The following ADAMTSL1 variants were observed in gnomAD, a reference collection of about 807,000 sequenced individuals.
The protein encoded by ADAMTSL1 is ADAMTS-like protein 1.
ADAMTSL1 carries 126 observed loss-of-function variants against 201.8 expected under a neutral mutation model. The ratio of observed to expected loss-of-function variants is 0.62; its 90% CI spans 0.54 to 0.72. The LOEUF (loss-of-function observed/expected upper bound fraction) is 0.72. Among genes scored for constraint, ADAMTSL1 ranks in the 30% least tolerant of loss-of-function variants. The pLI, the probability that ADAMTSL1 is intolerant of heterozygous loss-of-function variation, is 0.00. For synonymous variants in ADAMTSL1, 1,121 were observed against 903.4 expected (o/e 1.24, Z -4.32); for missense variants, 2,679 against 2,277.8 (o/e 1.18, Z -3.59).
intron 9 of ADAMTSL1, among the ~76,000 whole-genome samples, chr9:18,665,200 A>G (rs1015154999): frequency 1.3e-5 from 2 of 152,132 alleles, no homozygotes; most frequent in African/African-American, 4.8e-5. Flanking sequence ...AAACCAAAAC[A>G]AAGAAGAAAT....
chr9:18,158,634 A>G (rs1327927772), intron 1 of ADAMTSL1, among the ~76,000 whole-genome samples: 1 of 152,066 alleles, frequency 6.6e-6, no homozygotes, highest in African/African-American at 2.4e-5. Context: ...ACCATTCAAC[A>G]TCTTTAATAA....
intron 2 of ADAMTSL1, among the ~76,000 whole-genome samples, chr9:18,414,444 A>G (rs867754048): frequency 6.6e-6 from 1 of 152,220 alleles, no homozygotes; most frequent in African/African-American, 2.4e-5. Flanking sequence ...CTTCTGGACA[A>G]GATGGAGTAA....
At chr9:17,981,084 C>A (rs11793769) in intron 1 of ADAMTSL1, among the ~76,000 whole-genome samples, 26,036 of 152,178 alleles carry the variant, frequency 0.17, 2,637 homozygotes, top group Middle Eastern at 0.26. Context: ...CCCGTTAGGT[C>A]CTACTTCTAA....
intron 2 of ADAMTSL1, among the ~76,000 whole-genome samples, chr9:18,164,468 T>C (rs1261096587): frequency 6.6e-6 from 1 of 151,840 alleles, no homozygotes. Context: ...GGGAAAACAC[T>C]CTAGAAAATG....
chr9:18,039,225 G>C lies in ADAMTSL1; in HGVS notation c.88-124637G>C, dbSNP rs78893459. Among the ~76,000 whole-genome samples the C allele has an allele frequency of 1.1e-4, 16 of 152,212 alleles. No homozygotes were observed. In the East Asian group the frequency reaches 3.1e-3, roughly 29 times the overall value. ...TTAAAAGAAGACTGAATTAGGTCTGGCATATTTGTTTTATAATATAATGCC... is the reference window on the plus strand; with the variant it reads ...TTAAAAGAAGACTGAATTAGGTCTGCCATATTTGTTTTATAATATAATGCC... On this transcript the variant is annotated intron_variant, in intron 1 of 29. Coordinates refer to the ADAMTSL1 transcript ENST00000680146.
At chr9:18,455,774 A>G (rs145065541) in intron 2 of ADAMTSL1, among the ~76,000 whole-genome samples, 2 of 149,038 alleles carry the variant, frequency 1.3e-5, no homozygotes, top group African/African-American at 2.5e-5. Context: ...CCCAAAATGT[A>G]CATACATACA....
At chr9:18,667,036 G>A (rs915897704) in intron 9 of ADAMTSL1, among the ~76,000 whole-genome samples, 24 of 149,780 alleles carry the variant, frequency 1.6e-4, no homozygotes, top group African/African-American at 5.9e-4. Context: ...AGGTGGACAA[G>A]TGAAAAAAGA....
At chr9:18,675,792 C>A in intron 9 of ADAMTSL1, 65 bp from the exon 10 acceptor site, 2 of 1,390,964 alleles carry the variant, frequency 1.4e-6, no homozygotes, top group South Asian at 1.2e-5. Flanking sequence ...ATAATGTAAT[C>A]ATTTAGTGTT....
intron 2 of ADAMTSL1, among the ~76,000 whole-genome samples, chr9:18,319,224 G>A (rs1221759304): frequency 6.6e-6 from 1 of 152,140 alleles, no homozygotes; most frequent in Non-Finnish European, 1.5e-5. Flanking sequence ...GAAAAAGCCA[G>A]CTGAAGATCA....
At chr9:18,394,534 A>G (rs1817673045) in intron 2 of ADAMTSL1, among the ~76,000 whole-genome samples, 1 of 152,248 alleles carries the variant, frequency 6.6e-6, no homozygotes, top group Non-Finnish European at 1.5e-5. Flanking sequence ...GAATAAGAGA[A>G]AGAAGCTTGT....
At chr9:18,299,541 A>G (rs1833615103) in intron 2 of ADAMTSL1, among the ~76,000 whole-genome samples, 1 of 152,164 alleles carries the variant, frequency 6.6e-6, no homozygotes, top group Non-Finnish European at 1.5e-5. Flanking sequence ...CAGGGAGAGA[A>G]CACAAGGAAC....
At chr9:18,099,967 G>A (rs1824445920) in intron 1 of ADAMTSL1, among the ~76,000 whole-genome samples, 1 of 151,906 alleles carries the variant, frequency 6.6e-6, no homozygotes, top group South Asian at 2.1e-4. Context: ...ATTTATGAAG[G>A]CATGTTCCTT....
intron 1 of ADAMTSL1, among the ~76,000 whole-genome samples, chr9:17,908,918 C>T (rs1825827557): frequency 6.6e-6 from 1 of 151,890 alleles, no homozygotes; most frequent in African/African-American, 2.4e-5. Flanking sequence ...AATGGTTGAA[C>T]TAGTTTACAG....
chr9:18,350,961 T>A (rs974444691), intron 2 of ADAMTSL1, among the ~76,000 whole-genome samples: 1 of 152,218 alleles, frequency 6.6e-6, no homozygotes, highest in African/African-American at 2.4e-5. Context: ...GATGTATATA[T>A]GAAATTAAAT....
intron 1 of ADAMTSL1, among the ~76,000 whole-genome samples, chr9:18,112,335 C>T (rs1403897186): frequency 3.3e-5 from 5 of 152,056 alleles, no homozygotes; most frequent in Non-Finnish European, 5.9e-5. Flanking sequence ...AGGGGACGTA[C>T]TCCATTAATA....
chr9:18,480,562 T>G (rs1011771075), intron 1 of ADAMTSL1, among the ~76,000 whole-genome samples: 1 of 152,226 alleles, frequency 6.6e-6, no homozygotes, highest in Admixed American at 6.5e-5. Context: ...CAAACTTTGT[T>G]GTGTGAAAAC....
upstream of ADAMTSL1, among the ~76,000 whole-genome samples, chr9:18,469,377 G>A (rs1821121746): frequency 6.6e-6 from 1 of 152,170 alleles, no homozygotes; most frequent in African/African-American, 2.4e-5. Flanking sequence ...CTGTTAAAGG[G>A]GGTATATCAG....
chr9:18,234,028 T>C (rs1160199568), intron 2 of ADAMTSL1, among the ~76,000 whole-genome samples: 1 of 152,194 alleles, frequency 6.6e-6, no homozygotes, highest in Non-Finnish European at 1.5e-5. Context: ...TGAGAACGCC[T>C]GTGAAGGTTG....
chr9:18,318,593 G>C (rs1332576090), intron 2 of ADAMTSL1, among the ~76,000 whole-genome samples: 1 of 152,178 alleles, frequency 6.6e-6, no homozygotes, highest in Non-Finnish European at 1.5e-5. Context: ...ACTGGTTCCT[G>C]ACCAGAGGAG....
Sources: allele counts gnomAD v4.1 joint callset (sites outside exome capture counted in the v4.1 genomes callset), GRCh38; gene constraint gnomAD v4.1.1; transcripts MANE v1.5; gene names NCBI Gene and HGNC (gene_info 2026-07-23, HGNC 2026-07-21).